ERC2: variants seen among roughly 807,000 people sequenced by gnomAD.
The protein encoded by ERC2 is ERC protein 2.
In ERC2, 42 loss-of-function variants were observed where a neutral mutation model predicts 114.8. The observed-to-expected ratio is 0.37, with a 90% CI of 0.29 to 0.47. The LOEUF is 0.47. ERC2 is among the 20% of genes least tolerant of loss of function. The probability of loss-of-function intolerance (pLI) is 0.99; values close to 1 mark genes in which losing one functional copy is unlikely to be tolerated. For synonymous variants in ERC2, 454 were observed against 425.5 expected (o/e 1.07, Z -0.82); for missense variants, 939 against 1,150.7 (o/e 0.82, Z 2.66).
At chr3:56,439,869 G>C (rs2062208335) in intron 1 of ERC2, among the ~76,000 whole-genome samples, 1 of 151,766 alleles carries the variant, frequency 6.6e-6, no homozygotes, top group Non-Finnish European at 1.5e-5. Flanking sequence ...ACTCTTATTG[G>C]CATTTGTAAA....
rs144600003 is a variant in ERC2, at chr3:55,815,017, G to A, written c.2564+73372C>T. 2.9e-3 allele frequency among the ~76,000 whole-genome samples: 446 copies of A among 152,140 alleles called. 5 individuals are homozygous for A. Among genetic ancestry groups the A allele is most frequent in the African/African-American group, 0.01 (424 of 41,528 alleles). On this transcript the variant is annotated intron_variant, in intron 14 of 17. Transcript: ENST00000288221. ...AGCAGCTGCCCATCCCATCTTACTG[G>A]GGCAGTCCACTTGTTGTAATCCCCT...
At chr3:56,163,414 T>A (rs1488411763) in intron 4 of ERC2, among the ~76,000 whole-genome samples, 2 of 152,068 alleles carry the variant, frequency 1.3e-5, no homozygotes, top group South Asian at 2.1e-4. Flanking sequence ...AAGTCCAGAA[T>A]TTCTTTGTTA....
At chr3:55,780,446 A>T (rs1389337410) in intron 14 of ERC2, among the ~76,000 whole-genome samples, 2 of 152,220 alleles carry the variant, frequency 1.3e-5, no homozygotes, top group Non-Finnish European at 2.9e-5. Context: ...CATTCATAAT[A>T]GCTAATAGGT....
intron 14 of ERC2, among the ~76,000 whole-genome samples, chr3:55,783,835 TA>T (rs893522225): frequency 5.3e-5 from 8 of 152,318 alleles, no homozygotes; most frequent in Non-Finnish European, 1.0e-4. Context: ...AAGGTGGCTT[TA>T]AAAGGACGGG....
chr3:56,202,337 G>A (rs753136511), intron 3 of ERC2, among the ~76,000 whole-genome samples: 1 of 152,046 alleles, frequency 6.6e-6, no homozygotes, highest in East Asian at 1.9e-4. Flanking sequence ...TAGCTATAAA[G>A]GTAAGTTAAA....
intron 3 of ERC2, chr3:56,173,758 C>G (rs927641920): frequency 6.1e-6 from 3 of 492,374 alleles, no homozygotes; most frequent in Non-Finnish European, 1.1e-5. Flanking sequence ...TTAATGTCAA[C>G]TGTGACAAAG....
At chr3:56,239,693 A>T (rs1238572002) in intron 3 of ERC2, among the ~76,000 whole-genome samples, 1 of 152,242 alleles carries the variant, frequency 6.6e-6, no homozygotes, top group Non-Finnish European at 1.5e-5. Context: ...TATACTAATT[A>T]CAAAGACAGA....
chr3:55,750,666 G>A (rs1176079674), intron 14 of ERC2, among the ~76,000 whole-genome samples: 4 of 152,138 alleles, frequency 2.6e-5, no homozygotes, highest in Non-Finnish European at 4.4e-5. Flanking sequence ...TGATTCAGTC[G>A]ATTAAAATTC....
chr3:55,560,726 A>G (rs576127322), intron 17 of ERC2, among the ~76,000 whole-genome samples: 4 of 152,346 alleles, frequency 2.6e-5, no homozygotes, highest in Admixed American at 2.0e-4. Flanking sequence ...TGTTTAAGCC[A>G]CCAAGTTTTG....
intron 2 of ERC2, among the ~76,000 whole-genome samples, chr3:56,362,583 G>T (rs774412701): frequency 1.2e-4 from 19 of 152,224 alleles, no homozygotes; most frequent in Non-Finnish European, 1.9e-4. Context: ...TTTGGTGGTG[G>T]ATGGATGGCC....
At chr3:56,113,450 C>T (rs901748816) in intron 6 of ERC2, among the ~76,000 whole-genome samples, 2 of 152,104 alleles carry the variant, frequency 1.3e-5, no homozygotes, top group East Asian at 1.9e-4. Flanking sequence ...CATATAGCAG[C>T]CCTCTATGAT....
intron 13 of ERC2, among the ~76,000 whole-genome samples, chr3:55,894,016 A>T (rs2063732086): frequency 6.6e-6 from 1 of 152,136 alleles, no homozygotes; most frequent in South Asian, 2.1e-4. Flanking sequence ...AAATATGAAA[A>T]CACTTAGTAT....
chr3:55,664,673 C>G (rs2061284674), intron 17 of ERC2, among the ~76,000 whole-genome samples: 1 of 152,204 alleles, frequency 6.6e-6, no homozygotes, highest in Admixed American at 6.5e-5. Context: ...TTCAGGCTCT[C>G]TCTTTCTTCC....
intron 2 of ERC2, among the ~76,000 whole-genome samples, chr3:56,345,964 C>A (rs2058290953): frequency 6.7e-6 from 1 of 150,296 alleles, no homozygotes; most frequent in African/African-American, 2.5e-5. Flanking sequence ...CTTTCAAAGT[C>A]TCACTGTATT....
At chr3:56,223,574 G>A (rs2050064418) in intron 3 of ERC2, among the ~76,000 whole-genome samples, 1 of 150,310 alleles carries the variant, frequency 6.7e-6, no homozygotes, top group African/African-American at 2.4e-5. Context: ...GACTTAGCAG[G>A]ATAACCACAC....
At chr3:55,784,938 G>A (rs2069364645) in intron 14 of ERC2, among the ~76,000 whole-genome samples, 4 of 152,136 alleles carry the variant, frequency 2.6e-5, no homozygotes. Context: ...TGGTAATTCT[G>A]GCCTTAAGGA....
intron 15 of ERC2, among the ~76,000 whole-genome samples, chr3:55,720,835 T>C (rs912521325): frequency 6.6e-6 from 1 of 152,184 alleles, no homozygotes. Flanking sequence ...AAGAATAAGA[T>C]AGCCCCATCT....
chr3:56,317,832 T>TG (rs964423837), intron 2 of ERC2, among the ~76,000 whole-genome samples: 6 of 152,064 alleles, frequency 3.9e-5, no homozygotes, highest in African/African-American at 9.7e-5. Context: ...GAAAGTCAAA[T>TG]GGGGGGTGTT....
intron 14 of ERC2, among the ~76,000 whole-genome samples, chr3:55,750,718 A>G (rs2066645391): frequency 6.6e-6 from 1 of 152,216 alleles, no homozygotes; most frequent in Non-Finnish European, 1.5e-5. Context: ...CATAACTTTC[A>G]AGGATGCTAG....
Sources: allele counts gnomAD v4.1 joint callset (sites outside exome capture counted in the v4.1 genomes callset), GRCh38; gene constraint gnomAD v4.1.1; transcripts MANE v1.5; gene names NCBI Gene and HGNC (gene_info 2026-07-23, HGNC 2026-07-21).